The following PCBP3 variants were observed in gnomAD, a reference collection of about 807,000 sequenced individuals.
PCBP3 encodes poly(rC)-binding protein 3.
Under a neutral mutation model 52.7 loss-of-function variants are expected in PCBP3, and 25 were observed. That is an observed-to-expected ratio of 0.47 (90% CI 0.35 to 0.66). The LOEUF is 0.66. PCBP3 is among the 30% of genes least tolerant of loss of function. PCBP3 has a pLI of 0.01. For synonymous variants in PCBP3, 162 were observed against 183.0 expected, an observed-to-expected ratio of 0.89 and a Z score of 0.93; for missense variants, 391 against 490.3, an observed-to-expected ratio of 0.80 and a Z score of 1.91.
intron 4 of PCBP3, among the ~76,000 whole-genome samples, chr21:45,822,382 C>G (rs2093166766): frequency 6.6e-6 from 1 of 152,188 alleles, no homozygotes; most frequent in African/African-American, 2.4e-5. Context: ...GACACATCCC[C>G]CAAGAAGCTA....
chr21:45,822,751 C>G (rs1177145035), intron 4 of PCBP3, among the ~76,000 whole-genome samples: 1 of 152,074 alleles, frequency 6.6e-6, no homozygotes, highest in African/African-American at 2.4e-5. Flanking sequence ...ACACACCCAT[C>G]TTGGTTGTGA....
chr21:45,934,834 C>T (rs1307753444), intron 15 of PCBP3, among the ~76,000 whole-genome samples: 1 of 152,172 alleles, frequency 6.6e-6, no homozygotes, highest in Non-Finnish European at 1.5e-5. Flanking sequence ...AAAATGGGCA[C>T]TCAGCATCAG....
intron 2 of PCBP3, among the ~76,000 whole-genome samples, chr21:45,669,401 A>G (rs917256520): frequency 6.6e-6 from 1 of 152,122 alleles, no homozygotes; most frequent in Non-Finnish European, 1.5e-5. Flanking sequence ...GTTTTTAACT[A>G]TAGCAACTAT....
chr21:45,885,392 G>A (rs1412061073), intron 5 of PCBP3, among the ~76,000 whole-genome samples: 2 of 152,078 alleles, frequency 1.3e-5, no homozygotes, highest in Non-Finnish European at 2.9e-5. Context: ...ATCCTGTTTG[G>A]GGTTTACTCA....
At chr21:45,898,250 C>G (rs1878935081) in intron 6 of PCBP3, among the ~76,000 whole-genome samples, 1 of 152,174 alleles carries the variant, frequency 6.6e-6, no homozygotes, top group Non-Finnish European at 1.5e-5. Context: ...TGACGGGGGC[C>G]CCTCCCTGTG....
At chr21:45,810,188 G>A (rs945240811) in intron 4 of PCBP3, among the ~76,000 whole-genome samples, 1 of 151,426 alleles carries the variant, frequency 6.6e-6, no homozygotes, top group Non-Finnish European at 1.5e-5. Flanking sequence ...TGCATTCCTG[G>A]TGTAAACCCT....
chr21:45,741,660 T>A lies in PCBP3; in HGVS notation c.-162+6231T>A, dbSNP rs557127937. On this transcript the variant is annotated intron_variant, in intron 3 of 17. Transcript: ENST00000681687. This position sits in a 1 kb window ranked among gnomAD's most constrained non-coding sequence, Gnocchi z 4.5. Reference sequence around the variant, plus strand: ...TTTTAAAAACTGTGTATATTTATAGTTTTATTAAAAATAAAAAATTTTAAA... The same window carrying A: ...TTTTAAAAACTGTGTATATTTATAGATTTATTAAAAATAAAAAATTTTAAA... Among the ~76,000 whole-genome samples, 1 of 152,160 alleles carries A rather than the reference T, an allele frequency of 6.6e-6. No homozygotes were observed. Among genetic ancestry groups the A allele is most frequent in the Non-Finnish European group, 1.5e-5 (1 of 68,024 alleles).
At chr21:45,852,220 A>G (rs2094040439) in intron 5 of PCBP3, among the ~76,000 whole-genome samples, 1 of 152,250 alleles carries the variant, frequency 6.6e-6, no homozygotes, top group Admixed American at 6.5e-5. Context: ...AATATGTACA[A>G]CTATTATGCG....
intron 1 of PCBP3, among the ~76,000 whole-genome samples, chr21:45,663,706 ATT>A (rs2080571467): frequency 6.6e-6 from 1 of 151,702 alleles, no homozygotes; most frequent in African/African-American, 2.4e-5. Context: ...TTTATTTCTG[ATT>A]TTCTATTCTG....
Position 45,930,302 on chromosome 21 carries a change from G to A in PCBP3, c.796+307G>A, listed in dbSNP as rs1313627379. 5.9e-5 allele frequency among the ~76,000 whole-genome samples: 9 copies of A among 152,166 alleles called. No individual in the cohort carries two copies. The South Asian group carries it at 8.3e-4, about 14-fold the overall frequency. On this transcript the variant is annotated intron_variant, in intron 14 of 17. Transcript: ENST00000681687. ...TGCTGGGCAGTGCCCTGTGCTGCCC[G>A]CAGTCTGTCCTGGGTGGCCCTTCCT...
chr21:45,676,619 G>A (rs1337372716), intron 2 of PCBP3, among the ~76,000 whole-genome samples: 1 of 152,052 alleles, frequency 6.6e-6, no homozygotes, highest in Non-Finnish European at 1.5e-5. Flanking sequence ...TGTTCTGACT[G>A]CTCCACAGCC....
chr21:45,926,203 T>C (rs933550234), intron 13 of PCBP3, among the ~76,000 whole-genome samples: 2 of 152,210 alleles, frequency 1.3e-5, no homozygotes, highest in Admixed American at 6.5e-5. Context: ...TGTTGCCTGG[T>C]GACCTTGCAG....
At chr21:45,807,573 T>C (rs1401348556) in intron 4 of PCBP3, among the ~76,000 whole-genome samples, 5 of 152,064 alleles carry the variant, frequency 3.3e-5, no homozygotes, top group Admixed American at 3.3e-4. Context: ...TGCTCATGGA[T>C]AGGAAGAATC....
chr21:45,818,493 G>A (rs776533774), intron 4 of PCBP3, among the ~76,000 whole-genome samples: 7 of 152,138 alleles, frequency 4.6e-5, no homozygotes, highest in Non-Finnish European at 8.8e-5. Flanking sequence ...GAAGCCCCTG[G>A]CAACCACTCA....
intron 2 of PCBP3, among the ~76,000 whole-genome samples, chr21:45,719,580 G>A (rs1035838602): frequency 6.6e-6 from 1 of 152,094 alleles, no homozygotes; most frequent in Non-Finnish European, 1.5e-5. Flanking sequence ...TCTCGTGATA[G>A]TGAGTGAGTC....
At chr21:45,757,890 CTT>C (rs35441018) in intron 4 of PCBP3, among the ~76,000 whole-genome samples, 134 of 143,734 alleles carry the variant, frequency 9.3e-4, no homozygotes, top group Middle Eastern at 3.6e-3. Flanking sequence ...TATATATATT[CTT>C]TTTTTTTTTT....
At chr21:45,929,699 C>T (rs1383378035) in intron 13 of PCBP3, among the ~76,000 whole-genome samples, 3 of 152,210 alleles carry the variant, frequency 2.0e-5, no homozygotes, top group Admixed American at 1.3e-4. Flanking sequence ...CAGCGGCTTC[C>T]GGAGCTGCCT....
intron 4 of PCBP3, among the ~76,000 whole-genome samples, chr21:45,834,963 G>A (rs1018823701): frequency 6.6e-6 from 1 of 152,234 alleles, no homozygotes; most frequent in African/African-American, 2.4e-5. Context: ...CACTCTGCGC[G>A]GTGTCCACCC....
chr21:45,692,068 T>C (rs1370901874), intron 2 of PCBP3, among the ~76,000 whole-genome samples: 1 of 152,172 alleles, frequency 6.6e-6, no homozygotes, highest in African/African-American at 2.4e-5. Context: ...ATCCATAGTA[T>C]GTGGCAGGAA....
Sources: gnomAD v4.1 joint callset for allele counts (sites outside exome capture counted in the v4.1 genomes callset) on GRCh38, gnomAD v4.1.1 for gene constraint, Gnocchi (gnomAD v3.1) non-coding constraint, MANE v1.5 for transcripts, NCBI Gene and HGNC (gene_info 2026-07-23, HGNC 2026-07-21) for gene names.